Variants in DMD observed in about 807,000 individuals in gnomAD.
The protein encoded by DMD is dystrophin, also known as mutant dystrophin.
In DMD, 63 loss-of-function variants were observed where a neutral mutation model predicts 330.1. The observed-to-expected ratio is 0.19, with a 90% CI of 0.16 to 0.24. The LOEUF is 0.24. DMD is among the 10% of genes least tolerant of loss of function. The pLI is 1.00. For missense variants in DMD, 3,344 were observed against 2,684.1 expected, an observed-to-expected ratio of 1.25 and a Z score of -5.43; for synonymous variants, 1,223 against 959.8, an observed-to-expected ratio of 1.27 and a Z score of -5.07.
intron 34 of DMD, among the ~76,000 whole-genome samples, chrX:32,377,695 G>A (rs1450433835): frequency 1.8e-5 from 2 of 111,425 alleles, no homozygotes; most frequent in Admixed American, 9.6e-5. Flanking sequence ...TCAAATCTCT[G>A]ATGTCTAATT....
At chrX:31,905,239 T>C (rs56147438) in intron 47 of DMD, among the ~76,000 whole-genome samples, 15,225 of 110,961 alleles carry the variant, frequency 0.14, 843 homozygotes, top group Non-Finnish European at 0.17. Context: ...ACAGACAATT[T>C]ATCTTTGAGT....
At chrX:31,659,362 C>T (rs1368398358) in intron 53 of DMD, among the ~76,000 whole-genome samples, 6 of 110,574 alleles carry the variant, frequency 5.4e-5, no homozygotes, top group South Asian at 3.9e-4. Context: ...AGAAACAGGC[C>T]GGGTGCGGTG....
At chrX:33,224,488 A>C (rs945841564) in intron 1 of DMD, among the ~76,000 whole-genome samples, 1 of 112,022 alleles carries the variant, frequency 8.9e-6, no homozygotes, top group Non-Finnish European at 1.9e-5. Context: ...TATATACTGT[A>C]GGATTCCAAC....
intron 44 of DMD, among the ~76,000 whole-genome samples, chrX:32,041,450 A>C (rs1217439847): frequency 8.9e-6 from 1 of 112,298 alleles, no homozygotes; most frequent in African/African-American, 3.2e-5. Flanking sequence ...CATAAGTATC[A>C]TCAGCCACAG....
intron 42 of DMD, among the ~76,000 whole-genome samples, chrX:32,307,693 G>C (rs1315438645): frequency 1.8e-5 from 2 of 111,595 alleles, no homozygotes; most frequent in African/African-American, 6.5e-5. Flanking sequence ...TCTCTCCAGA[G>C]AAAACCTTTT....
intron 2 of DMD, among the ~76,000 whole-genome samples, chrX:32,967,825 A>C (rs1173960106): frequency 8.9e-6 from 1 of 111,861 alleles, no homozygotes; most frequent in Non-Finnish European, 1.9e-5. Context: ...AGTTCAACTG[A>C]ATTGGAAGTT....
At chrX:32,383,847 A>G (rs919461180) in intron 33 of DMD, among the ~76,000 whole-genome samples, 6 of 109,762 alleles carry the variant, frequency 5.5e-5, no homozygotes, top group African/African-American at 2.0e-4. Context: ...TCATTGCTTT[A>G]AATTCTAATT....
At chrX:32,063,523 C>T (rs1334754203) in intron 44 of DMD, among the ~76,000 whole-genome samples, 1 of 110,868 alleles carries the variant, frequency 9.0e-6, no homozygotes, top group Non-Finnish European at 1.9e-5. Context: ...TTATTTGTTT[C>T]ATTTATTTCC....
intron 55 of DMD, among the ~76,000 whole-genome samples, chrX:31,594,043 A>G (rs896189893): frequency 3.6e-5 from 4 of 111,359 alleles, no homozygotes; most frequent in Admixed American, 2.9e-4. Context: ...AGTTTCAGGA[A>G]AGGTGAGTAA....
chrX:31,419,245 A>C (rs1481029470), intron 60 of DMD, among the ~76,000 whole-genome samples: 1 of 103,608 alleles, frequency 9.7e-6, no homozygotes, highest in Non-Finnish European at 2.0e-5. Context: ...TGCCTGGCCT[A>C]CTAGATACTG....
intron 55 of DMD, among the ~76,000 whole-genome samples, chrX:31,611,991 A>AT (rs1394260467): frequency 9.0e-6 from 1 of 111,216 alleles, no homozygotes; most frequent in Non-Finnish European, 1.9e-5. Flanking sequence ...TTTCTTGACC[A>AT]TTTTTAAGTA....
At chrX:33,027,324 C>T (rs750075067) in intron 1 of DMD, among the ~76,000 whole-genome samples, 1 of 111,572 alleles carries the variant, frequency 9.0e-6, no homozygotes, top group Non-Finnish European at 1.9e-5. Context: ...AGCCAAATAA[C>T]GTGGGAATTC....
At chrX:32,221,847 T>C (rs780553314) in intron 43 of DMD, among the ~76,000 whole-genome samples, 1 of 112,351 alleles carries the variant, frequency 8.9e-6, no homozygotes, top group South Asian at 3.6e-4. Flanking sequence ...CTTAGAATAA[T>C]GGCATCCAGC....
At chrX:32,532,762 T>C (rs1239194108) in intron 17 of DMD, among the ~76,000 whole-genome samples, 2 of 112,291 alleles carry the variant, frequency 1.8e-5, no homozygotes, top group Admixed American at 1.9e-4. Context: ...TAGTGTCTTC[T>C]TAATGACTGA....
chrX:32,471,150 G>T (rs1317393251), intron 22 of DMD, among the ~76,000 whole-genome samples: 1 of 110,519 alleles, frequency 9.0e-6, no homozygotes, highest in Non-Finnish European at 1.9e-5. Flanking sequence ...GTGATGGCAC[G>T]CACTATAATC....
At chrX:31,776,777 G>A (rs981637666) in intron 50 of DMD, among the ~76,000 whole-genome samples, 2 of 112,027 alleles carry the variant, frequency 1.8e-5, no homozygotes, top group African/African-American at 6.5e-5. Flanking sequence ...CAAAAAGAGA[G>A]AATGGTTCAT....
intron 44 of DMD, among the ~76,000 whole-genome samples, chrX:31,983,585 C>T (rs1219577563): frequency 1.8e-5 from 2 of 111,560 alleles, no homozygotes; most frequent in Non-Finnish European, 3.8e-5. Flanking sequence ...ATCTGCAATA[C>T]ATTCCAGATT....
intron 49 of DMD, among the ~76,000 whole-genome samples, chrX:31,830,266 C>G (rs973401433): frequency 7.1e-5 from 8 of 112,568 alleles, no homozygotes. Context: ...ACTTAAAAAG[C>G]AGAAAGAATA....
intron 60 of DMD, among the ~76,000 whole-genome samples, chrX:31,393,491 AC>A (rs1369217858): frequency 3.2e-5 from 3 of 92,882 alleles, no homozygotes; most frequent in African/African-American, 1.3e-4. Flanking sequence ...AAAAAAAAAA[AC>A]AAAAAAAAAA....
Sources: allele counts gnomAD v4.1 joint callset (sites outside exome capture counted in the v4.1 genomes callset), GRCh38; gene constraint gnomAD v4.1.1; transcripts MANE v1.5; gene names NCBI Gene and HGNC (gene_info 2026-07-23, HGNC 2026-07-21).